ADGRV1: variants seen among roughly 807,000 people sequenced by gnomAD.
The protein encoded by ADGRV1 is G-protein coupled receptor 98.
Under a neutral mutation model 596.2 loss-of-function variants are expected in ADGRV1, and 359 were observed. That is an observed-to-expected ratio of 0.60 (90% CI 0.55 to 0.66). The LOEUF (loss-of-function observed/expected upper bound fraction) is 0.66, where lower values mean the gene tolerates loss of function less well. ADGRV1 is among the 30% of genes least tolerant of loss of function. The pLI, the probability that ADGRV1 is intolerant of heterozygous loss-of-function variation, is 0.00. For missense variants in ADGRV1, 7,274 were observed against 7,575.6 expected, an observed-to-expected ratio of 0.96 and a Z score of 1.48; for synonymous variants, 2,681 against 2,679.2, an observed-to-expected ratio of 1.00 and a Z score of -0.02.
chr5:91,030,483 G>T (rs1480676383), intron 85 of ADGRV1, among the ~76,000 whole-genome samples: 2 of 152,038 alleles, frequency 1.3e-5, no homozygotes, highest in Non-Finnish European at 2.9e-5. Flanking sequence ...TTTTAGAGGT[G>T]TAGGGTGAAT....
intron 83 of ADGRV1, among the ~76,000 whole-genome samples, chr5:90,873,065 C>T (rs1768860420): frequency 6.6e-6 from 1 of 152,144 alleles, no homozygotes; most frequent in African/African-American, 2.4e-5. Context: ...CAGCAGAGTG[C>T]CTTTTATGTA....
At chr5:90,776,597 C>A (rs753822022) in intron 61 of ADGRV1, 21 bp downstream of exon 61, 2 of 1,612,630 alleles carry the variant, frequency 1.2e-6, no homozygotes, top group South Asian at 2.2e-5. Context: ...CATGATTTTT[C>A]TTTGCCTATA....
rs560209390 is a variant in ADGRV1, at chr5:90,834,385, G to T, written c.16611+5199G>T. ...GTCTGGGAAAGTCTTTCTCCTTCAT[G>T]TTTGAAGGATATTTTCGCTTGATAT... On this transcript the variant is annotated intron_variant, in intron 77 of 89. Transcript: ENST00000405460. Among the ~76,000 whole-genome samples, 9 of 152,206 alleles carry T rather than the reference G, an allele frequency of 5.9e-5. No individual in the cohort carries two copies. In the South Asian group the frequency reaches 1.5e-3, roughly 25 times the overall value.
chr5:90,933,365 A>T (rs1318177089), intron 83 of ADGRV1, among the ~76,000 whole-genome samples: 1 of 152,228 alleles, frequency 6.6e-6, no homozygotes, highest in South Asian at 2.1e-4. Flanking sequence ...CTGAGAAGAT[A>T]CTATTTGAGC....
Position 91,107,934 on chromosome 5 carries a change from T to A in ADGRV1, c.18432+5594T>A, listed in dbSNP as rs1277641244. ...TGTCACTGGTACATATAAGAAAAAA[T>A]TTTGGTCTCTTTCTTTGAAGAACTT... is the stretch of plus-strand genomic sequence containing the variant. On this transcript the variant is annotated intron_variant, in intron 87 of 89. Transcript: ENST00000405460. Among the ~76,000 whole-genome samples, 11 of 152,142 alleles carry A rather than the reference T, an allele frequency of 7.2e-5. No homozygotes were observed. In the East Asian group the frequency reaches 1.7e-3, roughly 24 times the overall value.
intron 1 of ADGRV1, among the ~76,000 whole-genome samples, chr5:90,581,463 T>C (rs1396566129): frequency 6.6e-6 from 1 of 152,244 alleles, no homozygotes; most frequent in East Asian, 1.9e-4. Context: ...TTTTTGTTGA[T>C]GTAGATGCTA....
At chr5:90,727,513 ATT>A (rs368498725) in intron 48 of ADGRV1, among the ~76,000 whole-genome samples, 1 of 150,718 alleles carries the variant, frequency 6.6e-6, no homozygotes, top group African/African-American at 2.4e-5. Flanking sequence ...AACTGGAGGC[ATT>A]TTTTAAAAAT....
At position 90,914,785 on chromosome 5, in the gene ADGRV1, A is replaced by C. The variant is rs527631912; in HGVS notation, c.17857-50630A>C. ...TATTTATTAACAACAACAGAAACAA[A>C]AACAACCTGTTTTTCAACATTCCTT... On this transcript the variant is annotated intron_variant, in intron 83 of 89. Transcript: ENST00000405460. Among the ~76,000 whole-genome samples the C allele has an allele frequency of 2.0e-4, 30 of 152,304 alleles. No individual in the cohort carries two copies. In the South Asian group the frequency reaches 4.8e-3, roughly 24 times the overall value.
intron 83 of ADGRV1, among the ~76,000 whole-genome samples, chr5:90,921,036 C>A (rs1253680516): frequency 6.6e-6 from 1 of 152,116 alleles, no homozygotes; most frequent in Middle Eastern, 3.2e-3. Flanking sequence ...ATAAATAAAA[C>A]ACTATCAACA....
At chr5:90,822,444 T>C (rs1222710322) in intron 75 of ADGRV1, among the ~76,000 whole-genome samples, 1 of 152,000 alleles carries the variant, frequency 6.6e-6, no homozygotes, top group African/African-American at 2.4e-5. Flanking sequence ...TCCTCCTTCA[T>C]GTGGCGTTAT....
intron 1 of ADGRV1, among the ~76,000 whole-genome samples, chr5:90,596,535 C>A: frequency 6.6e-6 from 1 of 152,162 alleles, no homozygotes; most frequent in African/African-American, 2.4e-5. Context: ...CGTCTGCAAT[C>A]CCCGCACCTC....
rs547555967 is a variant in ADGRV1 at position 90,728,582 on chromosome 5, A to G, written c.10162-87A>G. On this transcript the variant is annotated intron_variant, in intron 48 of 89. Coordinates refer to ENST00000405460, the MANE Select transcript of ADGRV1 (RefSeq NM_032119.4). ...CTTTTTAACTAAATAAAAGGATCCAAGAGAGTAAACATATGGTATTGATTA... is the reference window on the plus strand; with the variant it reads ...CTTTTTAACTAAATAAAAGGATCCAGGAGAGTAAACATATGGTATTGATTA... 6 of 1,096,330 alleles carry G rather than the reference A, an allele frequency of 5.5e-6. No homozygotes were observed. In the South Asian group the frequency reaches 7.9e-5, roughly 14 times the overall value. The allele number at this position is 1,096,330 out of a possible 1,614,324, so 67.9% of individuals were successfully genotyped here.
At chr5:90,996,504 T>C (rs892081859) in intron 85 of ADGRV1, among the ~76,000 whole-genome samples, 1 of 152,152 alleles carries the variant, frequency 6.6e-6, no homozygotes, top group Admixed American at 6.5e-5. Flanking sequence ...TGCCTGGATG[T>C]CCAGACAGAA....
intron 85 of ADGRV1, among the ~76,000 whole-genome samples, chr5:91,046,280 A>G (rs1220635105): frequency 2.0e-5 from 3 of 152,174 alleles, no homozygotes; most frequent in East Asian, 3.8e-4. Context: ...ATATAAGGCC[A>G]TTGTCACCAA....
chr5:90,638,160 G>T (rs1320667761), intron 11 of ADGRV1, among the ~76,000 whole-genome samples: 1 of 151,430 alleles, frequency 6.6e-6, no homozygotes, highest in Non-Finnish European at 1.5e-5. Flanking sequence ...TTTTTACCCT[G>T]CTTTTCATTG....
intron 83 of ADGRV1, among the ~76,000 whole-genome samples, chr5:90,873,565 G>A (rs1253622852): frequency 3.9e-5 from 6 of 152,120 alleles, no homozygotes; most frequent in African/African-American, 1.4e-4. Context: ...AAAATCTTGA[G>A]TACAAATTCT....
chr5:90,670,571 G>T (rs1024896454), intron 21 of ADGRV1, among the ~76,000 whole-genome samples: 1 of 152,112 alleles, frequency 6.6e-6, no homozygotes, highest in African/African-American at 2.4e-5. Flanking sequence ...TGAAATCAGA[G>T]TGAGGCTCTG....
At chr5:90,747,298 G>C (rs1407583152) in intron 52 of ADGRV1, among the ~76,000 whole-genome samples, 1 of 152,106 alleles carries the variant, frequency 6.6e-6, no homozygotes, top group African/African-American at 2.4e-5. Context: ...CATGTGATAG[G>C]GGATGAGGTT....
intron 39 of ADGRV1, 107 bp from the exon 40 acceptor site, chr5:90,710,874 G>A: frequency 1.5e-6 from 1 of 677,622 alleles, no homozygotes; most frequent in East Asian, 2.8e-5. Context: ...GATAATACCT[G>A]TACATTATGA....
Sources: allele counts gnomAD v4.1 joint callset (sites outside exome capture counted in the v4.1 genomes callset), GRCh38; gene constraint gnomAD v4.1.1; transcripts MANE v1.5; gene names NCBI Gene and HGNC (gene_info 2026-07-23, HGNC 2026-07-21).